The following PMPCA variants were observed in gnomAD, a reference collection of about 807,000 sequenced individuals.
The protein encoded by PMPCA is mitochondrial-processing peptidase subunit alpha.
Under a neutral mutation model 59.3 loss-of-function variants are expected in PMPCA, and 47 were observed. That is an observed-to-expected ratio of 0.79 (90% confidence interval 0.63 to 1.01). PMPCA has a LOEUF of 1.01. Ranked by LOEUF, PMPCA falls within the 50% of genes least tolerant of loss-of-function variation. The probability of loss-of-function intolerance (pLI) is 0.00; values close to 1 mark genes in which losing one functional copy is unlikely to be tolerated. For missense variants in PMPCA, 726 were observed against 704.5 expected, an observed-to-expected ratio of 1.03 and a Z score of -0.34; for synonymous variants, 338 against 290.3, an observed-to-expected ratio of 1.16 and a Z score of -1.67.
At chr9:136,414,705 G>A (rs1835227359) in intron 5 of PMPCA, 58 bp downstream of exon 5, 2 of 1,103,918 alleles carry the variant, frequency 1.8e-6, no homozygotes, top group Non-Finnish European at 2.8e-6. Context: ...AGACCGGAAA[G>A]GTTTGCAGAA....
intron 11 of PMPCA, among the ~76,000 whole-genome samples, chr9:136,421,554 C>T (rs892325423): frequency 8.6e-5 from 13 of 152,008 alleles, no homozygotes; most frequent in African/African-American, 2.7e-4. Context: ...GGACTACAGG[C>T]GCCCGCCACC....
intron 6 of PMPCA, 96 bp from the exon 7 acceptor site, chr9:136,416,855 C>T: frequency 8.2e-7 from 1 of 1,218,446 alleles, no homozygotes; most frequent in Non-Finnish European, 1.1e-6. Context: ...TCGGATTTTC[C>T]CAGGGCTGGC....
Position 136,423,432 on chromosome 9 carries a change from C to T in PMPCA, c.*168C>T, listed in dbSNP as rs1835519398. Reference sequence around the variant, plus strand: ...TGCATTCTTTTGGAACTCAATGTGCCGATCAGTGGAGTCAGTATCGAGCCT... The same window carrying T: ...TGCATTCTTTTGGAACTCAATGTGCTGATCAGTGGAGTCAGTATCGAGCCT... On this transcript the variant is annotated 3_prime_UTR_variant, in exon 13 of 13. Coordinates refer to ENST00000371717, the MANE Select transcript of PMPCA (RefSeq NM_015160.3). 4 of 674,676 alleles carry T rather than the reference C, an allele frequency of 5.9e-6. No homozygotes were observed. The highest frequency in any genetic ancestry group is 3.8e-5 in the South Asian group (2 of 52,826). The allele number at this position is 674,676 out of a possible 1,614,324, so 41.8% of individuals were successfully genotyped here.
chr9:136,418,580 T>C lies in PMPCA; in HGVS notation c.1016T>C (p.Val339Ala). The C allele has an allele frequency of 6.2e-7, 1 of 1,612,852 alleles. No individual in the cohort carries two copies. The highest frequency in any genetic ancestry group is 8.5e-7 in the Non-Finnish European group (1 of 1,178,804). ...GAGGAGGACTTCATCCCCTTTGCAG[T>C]GTTGAACATGATGATGGGCGGAGGT... ...FLEEDFIPFA[V>A]LNMMMGGGGS... Residue 339 changes from valine (V) to alanine (A), a missense_variant, in exon 9 of 13, where the codon GTG (valine) becomes GCG (alanine). Coordinates refer to ENST00000371717, the MANE Select transcript of PMPCA (RefSeq NM_015160.3).
intron 1 of PMPCA, chr9:136,411,403 C>G (rs1426527054): frequency 6.4e-6 from 1 of 155,920 alleles, no homozygotes; most frequent in Non-Finnish European, 1.4e-5. Flanking sequence ...AAAGACTAGA[C>G]TGGTGAGGGA....
In PMPCA at chr9:136,421,856, C is replaced by T; in HGVS notation, c.1288C>T (p.Gln430Ter). 6.2e-7 allele frequency: 1 copy of T among 1,600,228 alleles called. No individual in the cohort carries two copies. The highest frequency in any genetic ancestry group is 1.1e-5 in the South Asian group (1 of 90,260). The change falls in exon 12 of 13, where the codon CAG (glutamine) becomes TAG (stop). Residue 430 changes from glutamine to a stop codon, truncating the protein, a stop_gained. Coordinates refer to ENST00000371717, the MANE Select transcript of PMPCA (RefSeq NM_015160.3). LOFTEE classifies it high-confidence loss of function. ...GGTGGAGCTGGAACGAGCCAAGACGCAGCTGACATCAATGCTCATGATGAA... is the reference window on the plus strand; with the variant it reads ...GGTGGAGCTGGAACGAGCCAAGACGTAGCTGACATCAATGCTCATGATGAA... ...DTVELERAKT[Q>*]LTSMLMMNLE...
intron 2 of PMPCA, 120 bp from the exon 3 acceptor site, chr9:136,412,370 A>G (rs1019468727): frequency 3.2e-5 from 24 of 750,406 alleles, no homozygotes; most frequent in Non-Finnish European, 5.1e-5. Flanking sequence ...CCATCAGCAC[A>G]ATCACCCTCA....
In PMPCA at chr9:136,418,182, C is replaced by T. The variant is rs557635408; in HGVS notation, c.990+73C>T. On this transcript the variant is annotated intron_variant, in intron 8 of 12. Coordinates refer to ENST00000371717, the MANE Select transcript of PMPCA (RefSeq NM_015160.3). ...GGCTCAGCCAGCCCTGCCCTCTGTC[C>T]CTGGCATCCGACAGCGCTCCTGATG... 132 of 1,098,756 alleles carry T rather than the reference C, an allele frequency of 1.2e-4. 2 individuals carry two copies. The East Asian group carries it at 3.0e-3, about 25-fold the overall frequency. 68.1% of individuals were successfully genotyped at this position (1,098,756 alleles called of 1,614,324 possible).
At position 136,422,012 on chromosome 9, in the gene PMPCA, G is replaced by C. The variant is rs1419809679; in HGVS notation, c.1408+36G>C. On this transcript the variant is annotated intron_variant, in intron 12 of 12. Coordinates refer to ENST00000371717, the MANE Select transcript of PMPCA (RefSeq NM_015160.3). ...CAGGGGTAGTGAGGGGCTGCCGCAG[G>C]CCTCGGCCAGGCTCAGAGGAGGCCG... 5 of 1,578,644 alleles carry C rather than the reference G, an allele frequency of 3.2e-6. 1 individual carries two copies. The South Asian group carries it at 5.7e-5, about 18-fold the overall frequency.
Position 136,423,156 on chromosome 9 carries a change from A to C in PMPCA, c.1470A>C (p.Ala490=), listed in dbSNP as rs750869354. The C allele has an allele frequency of 6.2e-7, 1 of 1,613,818 alleles. No homozygotes were observed. Residue 490 remains alanine, a synonymous_variant, in exon 13 of 13, where the codon GCA becomes GCC. Coordinates refer to ENST00000371717, the MANE Select transcript of PMPCA (RefSeq NM_015160.3). ...CTAAGATGCTCCGAGGGAAGCCGGCAGTGGCCGCCCTGGGTGACCTGACTG... is the reference window on the plus strand; with the variant it reads ...CTAAGATGCTCCGAGGGAAGCCGGCCGTGGCCGCCCTGGGTGACCTGACTG... The part of the protein sequence containing the change: ...VASKMLRGKP[A]VAALGDLTDL...
chr9:136,421,019 CCTT>C (rs974152752), intron 11 of PMPCA: 6 of 152,202 alleles, frequency 3.9e-5, no homozygotes, highest in African/African-American at 9.7e-5. Flanking sequence ...ATCTGCATGT[CCTT>C]CTCACAGCAC....
At chr9:136,413,024 G>A in intron 4 of PMPCA, 132 bp downstream of exon 4, 1 of 680,772 alleles carries the variant, frequency 1.5e-6, no homozygotes, top group South Asian at 1.7e-5. Context: ...CCCTGTCCTG[G>A]ATGGAGACTT....
intron 4 of PMPCA, 81 bp downstream of exon 4, chr9:136,412,973 C>A: frequency 1.2e-6 from 1 of 848,808 alleles, no homozygotes; most frequent in Non-Finnish European, 2.0e-6. Flanking sequence ...CCCTCTGAGC[C>A]CCTCCCAGCG....
At chr9:136,419,014 A>G (rs759382477) in intron 10 of PMPCA, 30 bp from the exon 11 acceptor site, 6 of 1,610,330 alleles carry the variant, frequency 3.7e-6, no homozygotes, top group Non-Finnish European at 5.1e-6. Context: ...GGCGCAGGCC[A>G]CACTGTTATC....
At chr9:136,418,717 C>T (rs1835356738) in intron 9 of PMPCA, 44 bp downstream of exon 9, 1 of 1,519,330 alleles carries the variant, frequency 6.6e-7, no homozygotes, top group Admixed American at 1.7e-5. Flanking sequence ...CCAGGCCAGG[C>T]CAGGTGTGTT....
At chr9:136,416,246 C>G (rs758991180) in intron 5 of PMPCA, 45 bp from the exon 6 acceptor site, 2 of 1,383,928 alleles carry the variant, frequency 1.4e-6, no homozygotes, top group Non-Finnish European at 2.1e-6. Flanking sequence ...TGTTCCTCAT[C>G]TCTGCCTGTG....
At chr9:136,413,290 C>T (rs1316743216) in intron 4 of PMPCA, among the ~76,000 whole-genome samples, 1 of 152,168 alleles carries the variant, frequency 6.6e-6, no homozygotes, top group Non-Finnish European at 1.5e-5. Flanking sequence ...AAGGAGTTTG[C>T]TAGACACACG....
intron 12 of PMPCA, 144 bp downstream of exon 12, chr9:136,422,120 A>G: frequency 1.3e-6 from 2 of 1,544,750 alleles, no homozygotes; most frequent in Admixed American, 2.0e-5. Context: ...TGTCCTCAGC[A>G]GGGGCGGCCA....
intron 4 of PMPCA, 131 bp from the exon 5 acceptor site, chr9:136,414,422 C>G: frequency 1.5e-6 from 1 of 675,032 alleles, no homozygotes; most frequent in Non-Finnish European, 2.7e-6. Flanking sequence ...CAAGTGTCCC[C>G]TGGCTGTTGA....
Sources: allele counts gnomAD v4.1 joint callset (sites outside exome capture counted in the v4.1 genomes callset), GRCh38; gene constraint gnomAD v4.1.1; transcripts MANE v1.5; gene names NCBI Gene and HGNC (gene_info 2026-07-23, HGNC 2026-07-21).